SGCZ: variants seen among roughly 807,000 people sequenced by gnomAD.
SGCZ encodes zeta-sarcoglycan.
A neutral mutation model predicts 41.3 loss-of-function variants in SGCZ; 40 were observed. The ratio of observed to expected loss-of-function variants is 0.97; its 90% confidence interval spans 0.75 to 1.26. The LOEUF (loss-of-function observed/expected upper bound fraction) is 1.26. Ranked by LOEUF, SGCZ falls within the 50% of genes most tolerant of loss-of-function variation. The pLI, the probability that SGCZ is intolerant of heterozygous loss-of-function variation, is 0.00. For missense variants in SGCZ, 552 were observed against 369.8 expected, an observed-to-expected ratio of 1.49 and a Z score of -4.04; for synonymous variants, 206 against 137.5, an observed-to-expected ratio of 1.50 and a Z score of -3.49.
At chr8:14,780,799 A>G (rs747438640) in intron 1 of SGCZ, among the ~76,000 whole-genome samples, 1 of 152,226 alleles carries the variant, frequency 6.6e-6, no homozygotes, top group Non-Finnish European at 1.5e-5. Flanking sequence ...TGAAATTAGA[A>G]GCATTTCTTT....
At chr8:15,098,718 T>C (rs1210439706) in intron 1 of SGCZ, among the ~76,000 whole-genome samples, 1 of 152,188 alleles carries the variant, frequency 6.6e-6, no homozygotes, top group Non-Finnish European at 1.5e-5. Context: ...ATAATATAAA[T>C]TGTGGTACTC....
At chr8:14,257,997 C>A (rs757146363) in intron 3 of SGCZ, among the ~76,000 whole-genome samples, 1 of 152,028 alleles carries the variant, frequency 6.6e-6, no homozygotes, top group African/African-American at 2.4e-5. Flanking sequence ...AATGAAATGT[C>A]GGGGGAATTT....
At chr8:15,083,810 T>A (rs923937337) in intron 1 of SGCZ, among the ~76,000 whole-genome samples, 1 of 152,064 alleles carries the variant, frequency 6.6e-6, no homozygotes, top group African/African-American at 2.4e-5. Context: ...CCCAGGCTGG[T>A]CTCTAGCTCT....
chr8:15,152,720 C>T (rs1799215796), intron 1 of SGCZ, among the ~76,000 whole-genome samples: 1 of 152,184 alleles, frequency 6.6e-6, no homozygotes, highest in Non-Finnish European at 1.5e-5. Context: ...GAAGTTGCTC[C>T]AGAGTACGTA....
chr8:15,183,516 AT>A (rs1377870010), intron 1 of SGCZ, among the ~76,000 whole-genome samples: 4 of 152,144 alleles, frequency 2.6e-5, no homozygotes, highest in Non-Finnish European at 5.9e-5. Flanking sequence ...TAACTCAGAG[AT>A]GTCATGTGAT....
At chr8:14,628,893 C>G (rs747577122) in intron 1 of SGCZ, among the ~76,000 whole-genome samples, 2 of 152,096 alleles carry the variant, frequency 1.3e-5, no homozygotes, top group African/African-American at 4.8e-5. Context: ...CCACACTAAA[C>G]TGAAAATATA....
chr8:14,298,582 T>C (rs1801092128), intron 3 of SGCZ, among the ~76,000 whole-genome samples: 1 of 151,956 alleles, frequency 6.6e-6, no homozygotes, highest in African/African-American at 2.4e-5. Context: ...TTAATACCAT[T>C]TATTACAACA....
chr8:14,837,691 C>G (rs116584804), intron 1 of SGCZ, among the ~76,000 whole-genome samples: 1 of 152,000 alleles, frequency 6.6e-6, no homozygotes, highest in Non-Finnish European at 1.5e-5. Flanking sequence ...TATTTATGAA[C>G]TTATTTATAT....
chr8:14,164,719 G>C lies in SGCZ; in HGVS notation c.425-17C>G, dbSNP rs1041356743. On this transcript the variant is annotated splice_polypyrimidine_tract_variant and intron_variant, in intron 4 of 7. Coordinates refer to ENST00000382080, the MANE Select transcript of SGCZ (RefSeq NM_139167.4). ...CATCAGCTCCTATGGTCAGAGGAAAGGTTTAAAAATGAAACTGGTATGCAG... is the reference window on the plus strand; with the variant it reads ...CATCAGCTCCTATGGTCAGAGGAAACGTTTAAAAATGAAACTGGTATGCAG... 3.1e-6 allele frequency: 5 copies of C among 1,610,488 alleles called. No homozygotes were observed. Among genetic ancestry groups the C allele is most frequent in the Non-Finnish European group, 4.2e-6 (5 of 1,178,596 alleles).
chr8:14,772,227 A>C (rs193035204), intron 1 of SGCZ, among the ~76,000 whole-genome samples: 3 of 152,292 alleles, frequency 2.0e-5, no homozygotes, highest in Admixed American at 2.0e-4. Context: ...AAAATGTTTG[A>C]GATGTATAAT....
intron 4 of SGCZ, among the ~76,000 whole-genome samples, chr8:14,210,664 A>G (rs1002035841): frequency 6.6e-5 from 10 of 151,534 alleles, no homozygotes; most frequent in Admixed American, 2.6e-4. Flanking sequence ...ACGGGGTTTC[A>G]TCATGTTGGC....
intron 2 of SGCZ, among the ~76,000 whole-genome samples, chr8:14,343,295 A>G (rs866391999): frequency 6.6e-6 from 1 of 152,190 alleles, no homozygotes; most frequent in Non-Finnish European, 1.5e-5. Context: ...TGGAGCTGCA[A>G]GAAGAGGGCC....
At position 14,361,717 on chromosome 8, in the gene SGCZ, C is replaced by T. The variant is rs2117134613; in HGVS notation, c.235-37513G>A. Among the ~76,000 whole-genome samples, 4 of 152,294 alleles carry T rather than the reference C, an allele frequency of 2.6e-5. 1 individual carries two copies. In the South Asian group the frequency reaches 8.3e-4, roughly 32 times the overall value. The stretch of plus-strand genomic sequence containing the variant: ...AACCCATTCTCCGTCCAGTTTTGTT[C>T]CATTGCTGGTGAGGAGTTGTGTTCC... On this transcript the variant is annotated intron_variant, in intron 2 of 7. Transcript: ENST00000382080.
intron 1 of SGCZ, among the ~76,000 whole-genome samples, chr8:14,979,863 T>C (rs947727372): frequency 1.3e-5 from 2 of 152,224 alleles, no homozygotes; most frequent in Non-Finnish European, 2.9e-5. Context: ...CTTTAGGGCA[T>C]AGTAAATTTC....
intron 1 of SGCZ, among the ~76,000 whole-genome samples, chr8:14,834,269 T>C (rs1240626233): frequency 1.3e-5 from 2 of 152,192 alleles, no homozygotes; most frequent in Non-Finnish European, 2.9e-5. Context: ...TTTTACAAAA[T>C]CTTTTAGAAT....
At chr8:14,486,568 G>C (rs1357930209) in intron 2 of SGCZ, among the ~76,000 whole-genome samples, 1 of 152,084 alleles carries the variant, frequency 6.6e-6, no homozygotes, top group Non-Finnish European at 1.5e-5. Context: ...TGAGTAATGA[G>C]TGTGTGTGTG....
chr8:15,166,578 G>C (rs1285890846), intron 1 of SGCZ, among the ~76,000 whole-genome samples: 1 of 152,086 alleles, frequency 6.6e-6, no homozygotes, highest in East Asian at 1.9e-4. Flanking sequence ...TTTTATCTTG[G>C]TGAATAATGC....
chr8:14,663,774 A>G (rs1190903729), intron 1 of SGCZ, among the ~76,000 whole-genome samples: 2 of 152,138 alleles, frequency 1.3e-5, no homozygotes, highest in Admixed American at 1.3e-4. Flanking sequence ...AAAATGTCTA[A>G]ATGAAAGTAG....
chr8:15,067,338 T>C (rs1805189564), intron 1 of SGCZ, among the ~76,000 whole-genome samples: 2 of 152,228 alleles, frequency 1.3e-5, no homozygotes, highest in Non-Finnish European at 1.5e-5. Flanking sequence ...AATTTCACAA[T>C]TGGTCTAAAA....
Sources: allele counts gnomAD v4.1 joint callset (sites outside exome capture counted in the v4.1 genomes callset), GRCh38; gene constraint gnomAD v4.1.1; transcripts MANE v1.5; gene names NCBI Gene and HGNC (gene_info 2026-07-23, HGNC 2026-07-21).